RBX1: variants seen among roughly 807,000 people sequenced by gnomAD.
RBX1 encodes the protein E3 ubiquitin-protein ligase RBX1.
For missense variants in RBX1, 46 were observed against 141.4 expected (o/e 0.33, Z 3.42); for synonymous variants, 48 against 47.9 (o/e 1.00, Z -0.01).
chr22:40,968,683 T>G (rs1399000615), intron 4 of RBX1, among the ~76,000 whole-genome samples: 1 of 152,198 alleles, frequency 6.6e-6, no homozygotes, highest in Non-Finnish European at 1.5e-5. Flanking sequence ...AATATGAATT[T>G]CCCACTGTAG....
Position 40,972,530 on chromosome 22 carries a change from T to A in RBX1, c.*42T>A. 1 of 1,531,784 alleles carries A rather than the reference T, an allele frequency of 6.5e-7. No homozygotes were observed. Among genetic ancestry groups the A allele is most frequent in the East Asian group, 2.2e-5 (1 of 44,468 alleles). The allele number at this position is 1,531,784 out of a possible 1,614,324, so 94.9% of individuals were successfully genotyped here. On this transcript the variant is annotated 3_prime_UTR_variant, in exon 5 of 5. Coordinates refer to ENST00000216225, the MANE Select transcript of RBX1 (RefSeq NM_014248.4). The stretch of plus-strand genomic sequence containing the variant: ...TCAAGCTTAATTGTTTTGTTATTCA[T>A]TTAATGACTTTCCCTGCTGTTACCT...
chr22:40,962,802 C>T (rs1351138798), intron 2 of RBX1, among the ~76,000 whole-genome samples: 1 of 150,408 alleles, frequency 6.6e-6, no homozygotes, highest in African/African-American at 2.4e-5. Context: ...AAGCAATTCT[C>T]CTGCCTCAGC....
chr22:40,955,549 G>T (rs1004008928), intron 2 of RBX1, among the ~76,000 whole-genome samples: 1 of 151,968 alleles, frequency 6.6e-6, no homozygotes, highest in Non-Finnish European at 1.5e-5. Flanking sequence ...TTCTGTCTTT[G>T]TACTATCTTT....
At chr22:40,968,870 G>A (rs1466547726) in intron 4 of RBX1, among the ~76,000 whole-genome samples, 1 of 114,130 alleles carries the variant, frequency 8.8e-6, no homozygotes, top group African/African-American at 3.3e-5. Context: ...TTTTCATTTT[G>A]TACATTTTGG....
intron 4 of RBX1, 68 bp from the exon 5 acceptor site, chr22:40,972,408 A>G: frequency 7.7e-7 from 1 of 1,292,850 alleles, no homozygotes; most frequent in Non-Finnish European, 1.1e-6. Flanking sequence ...TATGTGTTTA[A>G]GCAGGTTTTA....
chr22:40,963,959 TTAAC>T, intron 2 of RBX1, 84 bp from the exon 3 acceptor site: 1 of 942,116 alleles, frequency 1.1e-6, no homozygotes, highest in Non-Finnish European at 1.7e-6. Flanking sequence ...TTATGGCTAA[TTAAC>T]CACTTGAGAA....
At chr22:40,971,874 T>C (rs528164091) in intron 4 of RBX1, among the ~76,000 whole-genome samples, 1 of 152,230 alleles carries the variant, frequency 6.6e-6, no homozygotes, top group African/African-American at 2.4e-5. Flanking sequence ...ATTTTTATAA[T>C]CTTCTTAGAG....
intron 2 of RBX1, among the ~76,000 whole-genome samples, chr22:40,956,577 C>T (rs2058326064): frequency 2.6e-5 from 4 of 151,738 alleles, no homozygotes. Context: ...TCTCAAACTC[C>T]TGACCTCAGG....
At chr22:40,956,165 C>T (rs1459792759) in intron 2 of RBX1, among the ~76,000 whole-genome samples, 1 of 152,006 alleles carries the variant, frequency 6.6e-6, no homozygotes, top group Non-Finnish European at 1.5e-5. Context: ...TCTATATTGT[C>T]TTCTCTTAGA....
At chr22:40,955,755 G>GA (rs1247030360) in intron 2 of RBX1, among the ~76,000 whole-genome samples, 2 of 152,180 alleles carry the variant, frequency 1.3e-5, no homozygotes, top group African/African-American at 4.8e-5. Flanking sequence ...TTTTCTGTTG[G>GA]AAAGCAGTCA....
At chr22:40,953,071 A>G (rs1347028516) in intron 1 of RBX1, among the ~76,000 whole-genome samples, 1 of 145,266 alleles carries the variant, frequency 6.9e-6, no homozygotes, top group African/African-American at 2.6e-5. Flanking sequence ...GCTCACTGCA[A>G]CCTCCGTCCC....
intron 1 of RBX1, among the ~76,000 whole-genome samples, chr22:40,951,916 A>C (rs2058312041): frequency 6.6e-6 from 1 of 151,228 alleles, no homozygotes; most frequent in African/African-American, 2.4e-5. Context: ...GCCTCTGAGG[A>C]CCCCCCTTGG....
At chr22:40,952,099 G>T (rs931241187) in intron 1 of RBX1, among the ~76,000 whole-genome samples, 1 of 151,986 alleles carries the variant, frequency 6.6e-6, no homozygotes, top group African/African-American at 2.4e-5. Context: ...CCCCACTCTT[G>T]GGTTCTCTGT....
chr22:40,971,291 G>T (rs1390621445), intron 4 of RBX1, among the ~76,000 whole-genome samples: 2 of 152,060 alleles, frequency 1.3e-5, no homozygotes, highest in Admixed American at 1.3e-4. Flanking sequence ...AATCTGATAC[G>T]ATTGTTCTAC....
At chr22:40,966,442 T>C (rs2058354676) in intron 3 of RBX1, 1 of 152,212 alleles carries the variant, frequency 6.6e-6, no homozygotes, top group African/African-American at 2.4e-5. Flanking sequence ...TACCCTTCGG[T>C]GAGCCCGACC....
intron 4 of RBX1, among the ~76,000 whole-genome samples, chr22:40,970,066 A>G (rs2058364830): frequency 6.6e-6 from 1 of 150,802 alleles, no homozygotes; most frequent in Admixed American, 6.6e-5. Flanking sequence ...AAAAAAAAAA[A>G]AAAAAAAGCC....
chr22:40,967,521 G>A (rs543400761), intron 3 of RBX1: 28 of 245,794 alleles, frequency 1.1e-4, no homozygotes, highest in Middle Eastern at 1.4e-3. Flanking sequence ...CACATTCCAC[G>A]TTCTCTTAAA....
At chr22:40,961,081 C>CTTTTTTTTTTTTTTTTTTTT (rs61092253) in intron 2 of RBX1, among the ~76,000 whole-genome samples, 15 of 107,668 alleles carry the variant, frequency 1.4e-4, no homozygotes, top group African/African-American at 5.5e-4. Flanking sequence ...CGTGCCTGGC[C>CTTTTTTTTTTTTTTTTTTTT]TTTTTTTTTT....
Position 40,964,102 on chromosome 22 carries a change from A to G in RBX1, c.213A>G (p.Ala71=). The G allele has an allele frequency of 6.2e-7, 1 of 1,613,526 alleles. No homozygotes were observed. Among genetic ancestry groups the G allele is most frequent in the Non-Finnish European group, 8.5e-7 (1 of 1,179,442 alleles). ...ASATSEECTV[A]WGVCNHAFHF... is the part of the protein sequence containing the mutation. The stretch of plus-strand genomic sequence containing the variant: ...CTACTTCAGAAGAGTGTACTGTCGC[A>G]TGGGGAGTCTGTAACGTAAGGAAGC... The change falls in exon 3 of 5, where the codon GCA becomes GCG. Residue 71 remains alanine (A), a synonymous_variant. Transcript: ENST00000216225.
Sources: gnomAD v4.1 joint callset for allele counts (sites outside exome capture counted in the v4.1 genomes callset) on GRCh38, gnomAD v4.1.1 for gene constraint, MANE v1.5 for transcripts, NCBI Gene and HGNC (gene_info 2026-07-23, HGNC 2026-07-21) for gene names.